PCDH15: variants seen among roughly 807,000 people sequenced by gnomAD.
PCDH15 encodes protocadherin related 15.
Under a neutral mutation model 178.5 loss-of-function variants are expected in PCDH15, and 129 were observed. That is an observed-to-expected ratio of 0.72 (90% CI 0.63 to 0.84). The LOEUF is 0.84. Among genes scored for constraint, PCDH15 ranks in the 40% least tolerant of loss-of-function variants. The probability of loss-of-function intolerance (pLI) is 0.00; values close to 1 mark genes in which losing one functional copy is unlikely to be tolerated. For synonymous variants in PCDH15, 800 were observed against 732.0 expected, an observed-to-expected ratio of 1.09 and a Z score of -1.50; for missense variants, 2,230 against 2,099.9, an observed-to-expected ratio of 1.06 and a Z score of -1.21.
intron 2 of PCDH15, among the ~76,000 whole-genome samples, chr10:55,602,090 A>G (rs1042593005): frequency 2.6e-5 from 4 of 152,150 alleles, no homozygotes; most frequent in Non-Finnish European, 5.9e-5. Context: ...GCAAGGGGTC[A>G]GGGAGTTCCC....
intron 32 of PCDH15, chr10:53,823,503 T>A: frequency 2.4e-6 from 2 of 829,784 alleles, no homozygotes; most frequent in Non-Finnish European, 4.3e-6. Flanking sequence ...AGCAAGACAT[T>A]ATTTTAATTC....
intron 2 of PCDH15, among the ~76,000 whole-genome samples, chr10:55,465,419 C>A (rs149133750): frequency 9.7e-4 from 148 of 152,194 alleles, no homozygotes; most frequent in African/African-American, 3.4e-3. Flanking sequence ...AGAGAGAGTA[C>A]TGGTGTGTAC....
At chr10:55,589,149 G>A (rs999597241) in intron 2 of PCDH15, among the ~76,000 whole-genome samples, 1 of 151,636 alleles carries the variant, frequency 6.6e-6, no homozygotes, top group Non-Finnish European at 1.5e-5. Context: ...GTCCTGAATG[G>A]TAATGCCTAG....
chr10:54,540,718 T>C (rs2085116009), intron 2 of PCDH15, among the ~76,000 whole-genome samples: 3 of 151,984 alleles, frequency 2.0e-5, no homozygotes, highest in Admixed American at 1.3e-4. Flanking sequence ...AAGAAAACTA[T>C]AGGTCAATAT....
At chr10:55,165,386 C>T (rs548008874) in intron 2 of PCDH15, among the ~76,000 whole-genome samples, 21 of 151,682 alleles carry the variant, frequency 1.4e-4, no homozygotes, top group East Asian at 5.8e-4. Flanking sequence ...GTCTTAGGTA[C>T]GCAGAGAAGG....
At chr10:54,023,658 A>G (rs2092997267) in intron 18 of PCDH15, among the ~76,000 whole-genome samples, 1 of 146,702 alleles carries the variant, frequency 6.8e-6, no homozygotes, top group Non-Finnish European at 1.5e-5. Flanking sequence ...TATAATAAAT[A>G]ATATTTTATT....
At chr10:55,497,686 A>T (rs1840565818) in intron 2 of PCDH15, among the ~76,000 whole-genome samples, 1 of 152,040 alleles carries the variant, frequency 6.6e-6, no homozygotes, top group South Asian at 2.1e-4. Flanking sequence ...TGAATGCTCA[A>T]CCAAAGTTAT....
chr10:54,750,798 G>A (rs976881245), intron 1 of PCDH15, among the ~76,000 whole-genome samples: 1 of 152,040 alleles, frequency 6.6e-6, no homozygotes, highest in South Asian at 2.1e-4. Flanking sequence ...ACAAACAAAA[G>A]ATTGCTTAAC....
intron 1 of PCDH15, among the ~76,000 whole-genome samples, chr10:55,224,982 T>C (rs1382572938): frequency 6.6e-6 from 1 of 152,150 alleles, no homozygotes; most frequent in African/African-American, 2.4e-5. Flanking sequence ...TTGGTCAATA[T>C]CATGTTATTT....
At chr10:54,167,585 G>A (rs2046359651) in intron 13 of PCDH15, among the ~76,000 whole-genome samples, 1 of 151,850 alleles carries the variant, frequency 6.6e-6, no homozygotes, top group Admixed American at 6.6e-5. Flanking sequence ...GCTTTTCTGG[G>A]GAAGGGGCAA....
intron 2 of PCDH15, among the ~76,000 whole-genome samples, chr10:55,585,886 C>T (rs760693927): frequency 4.6e-5 from 7 of 152,032 alleles, no homozygotes; most frequent in Non-Finnish European, 7.4e-5. Context: ...AACTACTGTT[C>T]TGCCAGGCAA....
At chr10:55,324,497 G>C (rs1036117036), upstream of PCDH15, among the ~76,000 whole-genome samples, 3 of 152,022 alleles carry the variant, frequency 2.0e-5, no homozygotes, top group Non-Finnish European at 2.9e-5. Context: ...ACAACAAAAA[G>C]AGTATTACAT....
intron 25 of PCDH15, among the ~76,000 whole-genome samples, chr10:53,913,623 A>T (rs1421293555): frequency 2.0e-5 from 3 of 151,486 alleles, no homozygotes; most frequent in Non-Finnish European, 4.4e-5. Flanking sequence ...GGGCGTCTGT[A>T]TTCCCAGCTA....
intron 26 of PCDH15, among the ~76,000 whole-genome samples, chr10:53,899,294 A>G (rs1037256062): frequency 9.9e-5 from 15 of 152,072 alleles, no homozygotes; most frequent in African/African-American, 3.6e-4. Flanking sequence ...TAAGTATATT[A>G]GGTATACCAC....
intron 26 of PCDH15, among the ~76,000 whole-genome samples, chr10:53,881,685 A>C (rs1370751158): frequency 2.6e-5 from 4 of 152,152 alleles, no homozygotes; most frequent in Non-Finnish European, 5.9e-5. Context: ...TATTTCTAAA[A>C]TGTGTATGCT....
At chr10:54,606,886 G>A (rs1690437355) in intron 2 of PCDH15, 1 of 152,106 alleles carries the variant, frequency 6.6e-6, no homozygotes, top group Admixed American at 6.6e-5. Flanking sequence ...AAGGATGAGA[G>A]AGGAAGAGCC....
In PCDH15 at chr10:54,884,532, A is replaced by C. The variant is rs1360873754; in HGVS notation, c.-29+12918T>G. Among the ~76,000 whole-genome samples, 8 of 148,382 alleles carry C rather than the reference A, an allele frequency of 5.4e-5. No individual in the cohort carries two copies. The East Asian group carries it at 1.6e-3, about 29-fold the overall frequency. On this transcript the variant is annotated intron_variant, in intron 3 of 5. Coordinates refer to the PCDH15 transcript ENST00000458638. ...GTGTGCACCTGTGTGCATGTTCCTGACTTTCATCAATAGTTCTTAGACATA... is the reference window on the plus strand; with the variant it reads ...GTGTGCACCTGTGTGCATGTTCCTGCCTTTCATCAATAGTTCTTAGACATA...
intron 32 of PCDH15, among the ~76,000 whole-genome samples, chr10:53,826,043 T>C (rs572892243): frequency 1.3e-5 from 2 of 151,586 alleles, no homozygotes; most frequent in African/African-American, 2.4e-5. Context: ...CACATAATCC[T>C]TTTTTTTAGT....
At chr10:55,365,634 G>A (rs1344473884) in intron 2 of PCDH15, among the ~76,000 whole-genome samples, 2 of 148,156 alleles carry the variant, frequency 1.3e-5, no homozygotes, top group Non-Finnish European at 3.0e-5. Flanking sequence ...CTGTTCTCAT[G>A]AGAGAGAATG....
Sources: gnomAD v4.1 joint callset for allele counts (sites outside exome capture counted in the v4.1 genomes callset) on GRCh38, gnomAD v4.1.1 for gene constraint, MANE v1.5 for transcripts, NCBI Gene and HGNC (gene_info 2026-07-23, HGNC 2026-07-21) for gene names.